CERS6: variants seen among roughly 807,000 people sequenced by gnomAD.
CERS6 encodes the protein ceramide synthase 6.
In CERS6, 26 loss-of-function variants were observed where a neutral mutation model predicts 56.8. That is an observed-to-expected ratio of 0.46 (90% CI 0.34 to 0.63). The LOEUF (loss-of-function observed/expected upper bound fraction) is 0.63. Among genes scored for constraint, CERS6 ranks in the 30% least tolerant of loss-of-function variants. The probability of loss-of-function intolerance (pLI) is 0.01; values close to 1 mark genes in which losing one functional copy is unlikely to be tolerated. For missense variants in CERS6, 415 were observed against 467.5 expected, an observed-to-expected ratio of 0.89 and a Z score of 1.04; for synonymous variants, 164 against 173.3, an observed-to-expected ratio of 0.95 and a Z score of 0.42.
At chr2:168,600,190 T>TTCTCTCTCTCTC (rs10651781) in intron 3 of CERS6, among the ~76,000 whole-genome samples, 41 of 138,052 alleles carry the variant, frequency 3.0e-4, no homozygotes, top group African/African-American at 6.3e-4. Context: ...ACTACCATAT[T>TTCTCTCTCTCTC]TCTCTCTCTC....
chr2:168,703,165 A>G (rs1217883933), intron 6 of CERS6, among the ~76,000 whole-genome samples: 1 of 152,222 alleles, frequency 6.6e-6, no homozygotes, highest in Admixed American at 6.5e-5. Flanking sequence ...TATAGTCCTC[A>G]TAAACAAATA....
chr2:168,530,382 T>C (rs1695145284), intron 1 of CERS6, among the ~76,000 whole-genome samples: 1 of 152,200 alleles, frequency 6.6e-6, no homozygotes. Context: ...CTTTGACAAT[T>C]ACTGTAATTT....
chr2:168,707,136 T>C (rs940818848), intron 6 of CERS6, among the ~76,000 whole-genome samples: 1 of 152,224 alleles, frequency 6.6e-6, no homozygotes, highest in African/African-American at 2.4e-5. Context: ...GTATACATTT[T>C]AAAAACATTT....
chr2:168,620,527 G>A (rs114229975), intron 3 of CERS6, among the ~76,000 whole-genome samples: 1,552 of 151,966 alleles, frequency 0.01, 38 homozygotes, highest in African/African-American at 0.035. Context: ...TCTTCTCATC[G>A]AATTCCCCTA....
chr2:168,500,313 C>T (rs1694556610), intron 1 of CERS6, among the ~76,000 whole-genome samples: 4 of 152,098 alleles, frequency 2.6e-5, no homozygotes, highest in Admixed American at 2.6e-4. Flanking sequence ...GCATTAGTAA[C>T]AGGAGACAAA....
chr2:168,575,225 T>G lies in CERS6; in HGVS notation c.407+13903T>G, dbSNP rs116068497. On this transcript the variant is annotated intron_variant, in intron 3 of 9. Coordinates refer to ENST00000305747, the MANE Select transcript of CERS6 (RefSeq NM_203463.3). ...GAATTGTTCAAAACACATAGAGCACTGGTGCCTTATGTATTAGTCCGTTTT... is the reference window on the plus strand; with the variant it reads ...GAATTGTTCAAAACACATAGAGCACGGGTGCCTTATGTATTAGTCCGTTTT... Among the ~76,000 whole-genome samples, 790 of 152,324 alleles carry G rather than the reference T, an allele frequency of 5.2e-3. 8 individuals carry two copies. Among genetic ancestry groups the G allele is most frequent in the African/African-American group, 0.017 (725 of 41,572 alleles).
intron 8 of CERS6, among the ~76,000 whole-genome samples, chr2:168,757,865 T>C (rs557083926): frequency 2.6e-4 from 39 of 152,370 alleles, no homozygotes; most frequent in African/African-American, 9.1e-4. Context: ...GTGGAGAATG[T>C]AAGCTACAGC....
intron 3 of CERS6, among the ~76,000 whole-genome samples, chr2:168,580,891 GC>G (rs1683391272): frequency 6.6e-6 from 1 of 151,932 alleles, no homozygotes; most frequent in Non-Finnish European, 1.5e-5. Flanking sequence ...TGAAGATAAT[GC>G]CCTTTTTATC....
rs1695145999 is a variant in CERS6 at position 168,530,413 on chromosome 2, G to A, written c.171-17183G>A. ...AATTTTACAAGTACCACAATACTGT[G>A]CAAATATTGGCTAACATATAGTGGT... On this transcript the variant is annotated intron_variant, in intron 1 of 9. Coordinates refer to ENST00000305747, the MANE Select transcript of CERS6 (RefSeq NM_203463.3). 3.9e-5 allele frequency among the ~76,000 whole-genome samples: 6 copies of A among 152,184 alleles called. No homozygotes were observed. In the South Asian group the frequency reaches 1.2e-3, roughly 32 times the overall value.
At chr2:168,460,593 T>TA (rs1693761071) in intron 1 of CERS6, among the ~76,000 whole-genome samples, 1 of 152,206 alleles carries the variant, frequency 6.6e-6, no homozygotes. Flanking sequence ...TTTGGGCTGT[T>TA]ATCATTTATG....
intron 8 of CERS6, among the ~76,000 whole-genome samples, chr2:168,760,902 C>T (rs1317417262): frequency 6.6e-6 from 1 of 152,112 alleles, no homozygotes; most frequent in East Asian, 1.9e-4. Flanking sequence ...ACTACAGGCG[C>T]CCGCCACCAC....
At chr2:168,653,680 T>C (rs1044321726) in intron 4 of CERS6, among the ~76,000 whole-genome samples, 3 of 152,228 alleles carry the variant, frequency 2.0e-5, no homozygotes, top group Non-Finnish European at 2.9e-5. Context: ...ATTGCTAATC[T>C]AGGACATCTC....
At position 168,765,574 on chromosome 2, in the gene CERS6, C is replaced by A; in HGVS notation, c.846-18C>A. On this transcript the variant is annotated intron_variant, in intron 8 of 9. Coordinates refer to ENST00000305747, the MANE Select transcript of CERS6 (RefSeq NM_203463.3). ...AGGAAAATGCCACATTCACTAATCA[C>A]CTCCTTCTTTTCCTTAGGGTGTTAA... 1 of 1,609,466 alleles carries A rather than the reference C, an allele frequency of 6.2e-7. No individual in the cohort carries two copies. The highest frequency in any genetic ancestry group is 8.5e-7 in the Non-Finnish European group (1 of 1,178,066).
chr2:168,585,876 C>CT (rs1298097920), intron 3 of CERS6, among the ~76,000 whole-genome samples: 10 of 152,196 alleles, frequency 6.6e-5, no homozygotes, highest in Non-Finnish European at 1.5e-4. Context: ...AACCTGATTT[C>CT]TTTAAGTTCA....
intron 1 of CERS6, among the ~76,000 whole-genome samples, chr2:168,545,592 C>G (rs957019237): frequency 2.9e-4 from 44 of 151,884 alleles, no homozygotes; most frequent in African/African-American, 9.9e-4. Context: ...CTACTGCCTG[C>G]CCATGCATTG....
intron 3 of CERS6, among the ~76,000 whole-genome samples, chr2:168,581,756 G>A (rs1482499595): frequency 1.3e-5 from 2 of 150,744 alleles, no homozygotes; most frequent in African/African-American, 2.5e-5. Context: ...GACAGTTCCA[G>A]TATTTGCGGG....
At chr2:168,687,497 T>C (rs1686382311) in intron 4 of CERS6, among the ~76,000 whole-genome samples, 1 of 152,116 alleles carries the variant, frequency 6.6e-6, no homozygotes, top group African/African-American at 2.4e-5. Flanking sequence ...ATTTTAACAG[T>C]TGGTGAAGCT....
chr2:168,718,269 G>T (rs1008587425), intron 8 of CERS6, among the ~76,000 whole-genome samples: 2 of 152,190 alleles, frequency 1.3e-5, no homozygotes, highest in Non-Finnish European at 2.9e-5. Flanking sequence ...AACCTCAGCT[G>T]TGAAGGTTGG....
chr2:168,533,703 T>C (rs866504620), intron 1 of CERS6, among the ~76,000 whole-genome samples: 1 of 152,188 alleles, frequency 6.6e-6, no homozygotes, highest in South Asian at 2.1e-4. Context: ...AGGGTTGATC[T>C]TCTCGTGGAG....
Sources: allele counts gnomAD v4.1 joint callset (sites outside exome capture counted in the v4.1 genomes callset), GRCh38; gene constraint gnomAD v4.1.1; transcripts MANE v1.5; gene names NCBI Gene and HGNC (gene_info 2026-07-23, HGNC 2026-07-21).